The following SLC16A7 variants were observed in gnomAD, a reference collection of about 807,000 sequenced individuals.
SLC16A7 encodes the protein monocarboxylate transporter 2.
A neutral mutation model predicts 34.9 loss-of-function variants in SLC16A7; 33 were observed. That is an observed-to-expected ratio of 0.94 (90% confidence interval 0.72 to 1.26). The LOEUF is 1.26. Ranked by LOEUF, SLC16A7 falls within the 50% of genes most tolerant of loss-of-function variation. The probability of loss-of-function intolerance (pLI) is 0.00; values close to 1 mark genes in which losing one functional copy is unlikely to be tolerated. For synonymous variants in SLC16A7, 201 were observed against 206.6 expected, an observed-to-expected ratio of 0.97 and a Z score of 0.23; for missense variants, 573 against 578.1, an observed-to-expected ratio of 0.99 and a Z score of 0.09.
chr12:59,695,119 C>T lies in SLC16A7; in HGVS notation c.-30-9653C>T, dbSNP rs552315968. Among the ~76,000 whole-genome samples the T allele has an allele frequency of 1.4e-3, 213 of 151,702 alleles. 1 individual carries two copies. The highest frequency in any genetic ancestry group is 6.8e-3 in the Middle Eastern group (2 of 292). On this transcript the variant is annotated intron_variant, in intron 2 of 5. Transcript: ENST00000547379. ...TTTTTTCTATTTTCTTGGAGGGCTG[C>T]CACATGGAGCCTGTATAAATTATGA...
At chr12:59,696,436 C>G (rs936588723) in intron 2 of SLC16A7, 1 of 151,906 alleles carries the variant, frequency 6.6e-6, no homozygotes, top group East Asian at 1.9e-4. Flanking sequence ...GTATTGCCTT[C>G]AAATATCACT....
chr12:59,772,686 T>C (rs1882350726), intron 4 of SLC16A7, among the ~76,000 whole-genome samples: 1 of 152,130 alleles, frequency 6.6e-6, no homozygotes, highest in Non-Finnish European at 1.5e-5. Context: ...CCTTATACTT[T>C]CGTTGTCTAT....
In SLC16A7 at chr12:59,711,247, G is replaced by T. The variant is rs367669226; in HGVS notation, c.217+6229G>T. Among the ~76,000 whole-genome samples, 17 of 152,252 alleles carry T rather than the reference G, an allele frequency of 1.1e-4. No individual in the cohort carries two copies. In the East Asian group the frequency reaches 3.1e-3, roughly 28 times the overall value. On this transcript the variant is annotated intron_variant, in intron 3 of 5. Coordinates refer to ENST00000547379, the MANE Select transcript of SLC16A7 (RefSeq NM_001270623.2). ...CACTACTGTTCCCAGAAGAAGGAAG[G>T]ATTCTGAAGAGACAAAGTATTAACA...
intron 3 of SLC16A7, among the ~76,000 whole-genome samples, chr12:59,749,801 G>T (rs921441514): frequency 1.3e-5 from 2 of 152,158 alleles, no homozygotes; most frequent in Admixed American, 6.5e-5. Flanking sequence ...TGGCAGAAAA[G>T]GTTGGAATGT....
chr12:59,666,195 A>G (rs968522853), intron 2 of SLC16A7, among the ~76,000 whole-genome samples: 2 of 152,146 alleles, frequency 1.3e-5, no homozygotes, highest in African/African-American at 4.8e-5. Context: ...TGAAAAGTCG[A>G]GTTGATGGTT....
chr12:59,727,170 A>ATATATATATATAAAAT lies in SLC16A7; in HGVS notation c.217+22152_217+22153insTATATATATATAAAAT, dbSNP rs1555174538. 1.7e-3 allele frequency among the ~76,000 whole-genome samples: 248 copies of ATATATATATATAAAAT among 144,372 alleles called. 3 individuals are homozygous for ATATATATATATAAAAT. Among genetic ancestry groups the ATATATATATATAAAAT allele is most frequent in the African/African-American group, 6.6e-3 (247 of 37,598 alleles). 94.7% of individuals were successfully genotyped at this position (144,372 alleles called of 152,430 possible). On this transcript the variant is annotated intron_variant, in intron 3 of 5. Transcript: ENST00000547379. ...GATGGACATATATATATATATATAT[A>ATATATATATATAAAAT]ATATATATATGTTGTATTTAGAAGG... is the stretch of plus-strand genomic sequence containing the variant.
At chr12:59,713,011 CT>C (rs1034992783) in intron 3 of SLC16A7, among the ~76,000 whole-genome samples, 7 of 150,902 alleles carry the variant, frequency 4.6e-5, no homozygotes, top group African/African-American at 1.2e-4. Context: ...CTTTTCTTTT[CT>C]TTTTTTTTCT....
intron 1 of SLC16A7, among the ~76,000 whole-genome samples, chr12:59,647,744 A>G (rs1042261469): frequency 6.6e-6 from 1 of 152,074 alleles, no homozygotes; most frequent in African/African-American, 2.4e-5. Context: ...TTAATTTTTA[A>G]TTTAAATAAG....
chr12:59,655,824 A>G (rs1005162672), intron 2 of SLC16A7, among the ~76,000 whole-genome samples: 15 of 152,004 alleles, frequency 9.9e-5, no homozygotes, highest in South Asian at 2.1e-4. Context: ...AGGGATTTCA[A>G]TCCTCGCTGT....
intron 3 of SLC16A7, among the ~76,000 whole-genome samples, chr12:59,739,250 G>A (rs1372794435): frequency 7.8e-6 from 1 of 128,700 alleles, no homozygotes; most frequent in African/African-American, 3.0e-5. Context: ...GTGTCCATAT[G>A]TTCTCATTGT....
intron 3 of SLC16A7, among the ~76,000 whole-genome samples, chr12:59,709,709 T>C (rs1447917061): frequency 6.6e-6 from 1 of 151,700 alleles, no homozygotes; most frequent in Admixed American, 6.6e-5. Context: ...GGACTTTTTA[T>C]ATCTATGCCA....
At chr12:59,748,508 G>C (rs77660468) in intron 3 of SLC16A7, among the ~76,000 whole-genome samples, 3,577 of 152,200 alleles carry the variant, frequency 0.024, 66 homozygotes, top group Non-Finnish European at 0.037. Flanking sequence ...GGCTCTCAGA[G>C]TTCTTGCATA....
chr12:59,713,316 A>T (rs965614314), intron 3 of SLC16A7, among the ~76,000 whole-genome samples: 5 of 152,118 alleles, frequency 3.3e-5, no homozygotes, highest in African/African-American at 1.2e-4. Flanking sequence ...CACCGCACCC[A>T]GCTGAATGTT....
Position 59,668,972 on chromosome 12 carries a change from C to A in SLC16A7, c.-31+13722C>A, listed in dbSNP as rs149559730. 6.7e-3 allele frequency among the ~76,000 whole-genome samples: 1,023 copies of A among 152,266 alleles called. 15 individuals are homozygous for A. Among genetic ancestry groups the A allele is most frequent in the African/African-American group, 0.021 (863 of 41,552 alleles). ...TAGACATGGCTTTGGTCCTCCTTTG[C>A]CTTCTGCCATGATTTTGAGGCCTCT... On this transcript the variant is annotated intron_variant, in intron 2 of 5. Coordinates refer to ENST00000547379, the MANE Select transcript of SLC16A7 (RefSeq NM_001270623.2).
Position 59,704,854 on chromosome 12 carries a change from G to T in SLC16A7, c.53G>T (p.Trp18Leu). The T allele has an allele frequency of 6.2e-7, 1 of 1,613,894 alleles. No individual in the cohort carries two copies. Among genetic ancestry groups the T allele is most frequent in the Non-Finnish European group, 8.5e-7 (1 of 1,179,878 alleles). Residue 18 changes from tryptophan to leucine, a missense_variant, in exon 3 of 6, where the codon TGG becomes TTG. Coordinates refer to ENST00000547379, the MANE Select transcript of SLC16A7 (RefSeq NM_001270623.2). ...PPVHPPPDGG[W>L]GWIVVGAAFI... ...GTGCATCCACCTCCAGATGGAGGATGGGGTTGGATTGTGGTTGGAGCAGCT... is the reference window on the plus strand; with the variant it reads ...GTGCATCCACCTCCAGATGGAGGATTGGGTTGGATTGTGGTTGGAGCAGCT...
chr12:59,636,725 A>G (rs1880446031), intron 1 of SLC16A7, among the ~76,000 whole-genome samples: 1 of 152,140 alleles, frequency 6.6e-6, no homozygotes, highest in Non-Finnish European at 1.5e-5. Flanking sequence ...TAAGTAGTAC[A>G]TACATTTGGA....
chr12:59,704,316 A>G (rs897630001), intron 2 of SLC16A7, among the ~76,000 whole-genome samples: 2 of 152,120 alleles, frequency 1.3e-5, no homozygotes, highest in Admixed American at 1.3e-4. Flanking sequence ...AAAAGCCAAT[A>G]GATCATGTCA....
chr12:59,740,561 C>A (rs1878198416), intron 3 of SLC16A7, among the ~76,000 whole-genome samples: 4 of 151,032 alleles, frequency 2.6e-5, no homozygotes, highest in South Asian at 2.1e-4. Flanking sequence ...GGACGTATCT[C>A]AAAATAATAA....
At position 59,782,642 on chromosome 12, in the gene SLC16A7, T is replaced by C. The variant is rs1883330399; in HGVS notation, c.*2963T>C. On this transcript the variant is annotated 3_prime_UTR_variant, in exon 6 of 6. Coordinates refer to ENST00000547379, the MANE Select transcript of SLC16A7 (RefSeq NM_001270623.2). The stretch of plus-strand genomic sequence containing the variant: ...CATGGCTACTTTAACTATTTTTTCA[T>C]TCGTGTTAACTGAGCCCCCCATATT... 1 of 152,178 alleles carries C rather than the reference T, an allele frequency of 6.6e-6. No homozygotes were observed. The highest frequency in any genetic ancestry group is 1.5e-5 in the Non-Finnish European group (1 of 68,034). The allele number at this position is 152,178 out of a possible 1,614,324, so 9.4% of individuals were successfully genotyped here.
Sources: allele counts gnomAD v4.1 joint callset (sites outside exome capture counted in the v4.1 genomes callset), GRCh38; gene constraint gnomAD v4.1.1; transcripts MANE v1.5; gene names NCBI Gene and HGNC (gene_info 2026-07-23, HGNC 2026-07-21).